Variants in GSK3B observed in about 807,000 individuals in gnomAD.
GSK3B encodes the protein glycogen synthase kinase-3 beta.
A neutral mutation model predicts 56.4 loss-of-function variants in GSK3B; 15 were observed. The observed-to-expected ratio is 0.27, with a 90% CI of 0.18 to 0.41. The LOEUF is 0.41. GSK3B is among the 10% of genes least tolerant of loss of function. The probability of loss-of-function intolerance (pLI) is 1.00; values close to 1 mark genes in which losing one functional copy is unlikely to be tolerated. For missense variants in GSK3B, 300 were observed against 513.4 expected (o/e 0.58, Z 4.02); for synonymous variants, 181 against 188.9 (o/e 0.96, Z 0.34).
At chr3:119,900,925 TTGTC>T (rs1318524141) in intron 7 of GSK3B, among the ~76,000 whole-genome samples, 1 of 151,976 alleles carries the variant, frequency 6.6e-6, no homozygotes, top group Non-Finnish European at 1.5e-5. Context: ...TTTTGTCTAT[TTGTC>T]TGTGCTTTCT....
chr3:119,894,103 C>T (rs1485179983), intron 7 of GSK3B, among the ~76,000 whole-genome samples: 2 of 152,172 alleles, frequency 1.3e-5, no homozygotes, highest in Admixed American at 6.5e-5. Context: ...CTCTTCTGGA[C>T]ATTTAATATA....
intron 4 of GSK3B, among the ~76,000 whole-genome samples, chr3:119,922,425 T>C (rs997637048): frequency 3.4e-5 from 5 of 148,026 alleles, no homozygotes; most frequent in African/African-American, 7.4e-5. Context: ...AGTTTATATA[T>C]TATATATACA....
Position 119,889,941 on chromosome 3 carries a change from G to T in GSK3B, c.814-13433C>A, listed in dbSNP as rs183673044. ...GATAAGAAAATTAAACAAAAATAAAGAGGGGCATTTCCTAATGATAAAAGT... is the reference window on the plus strand; with the variant it reads ...GATAAGAAAATTAAACAAAAATAAATAGGGGCATTTCCTAATGATAAAAGT... On this transcript the variant is annotated intron_variant, in intron 7 of 10. Coordinates refer to ENST00000264235, the MANE Select transcript of GSK3B (RefSeq NM_001146156.2). Among the ~76,000 whole-genome samples, 130 of 152,162 alleles carry T rather than the reference G, an allele frequency of 8.5e-4. 1 individual carries two copies. Among genetic ancestry groups the T allele is most frequent in the African/African-American group, 2.8e-3 (115 of 41,534 alleles).
At chr3:120,090,518 A>G (rs2058502585) in intron 1 of GSK3B, among the ~76,000 whole-genome samples, 1 of 152,186 alleles carries the variant, frequency 6.6e-6, no homozygotes, top group South Asian at 2.1e-4. Context: ...CAAGTCTTCC[A>G]GGCCAGTAAC....
At position 119,923,380 on chromosome 3, in the gene GSK3B, TA is replaced by T; in HGVS notation, c.469del (p.Tyr157MetfsTer13). On this transcript the variant is annotated frameshift_variant, in exon 4 of 11. Transcript: ENST00000264235. LOFTEE classifies it high-confidence loss of function. ...TGTTATGTTTTTACATACCTTGACA[TA>T]AATCACAGGGAGCGTCTGTTTGGCT... ...SRAKQTLPVI[Y>X]VKLYMYQLFR... 1 of 1,537,160 alleles carries T rather than the reference TA, an allele frequency of 6.5e-7. No homozygotes were observed. Among genetic ancestry groups the T allele is most frequent in the Non-Finnish European group, 9.0e-7 (1 of 1,112,346 alleles).
chr3:119,966,676 G>A (rs1465327486), intron 2 of GSK3B, among the ~76,000 whole-genome samples: 2 of 152,216 alleles, frequency 1.3e-5, no homozygotes, highest in Middle Eastern at 3.4e-3. Flanking sequence ...TTAAACCCTA[G>A]AGTTCAGGAA....
At chr3:119,881,715 G>A (rs1044625440) in intron 7 of GSK3B, among the ~76,000 whole-genome samples, 3 of 152,178 alleles carry the variant, frequency 2.0e-5, no homozygotes, top group Admixed American at 1.3e-4. Context: ...TAATTCAAGA[G>A]TTACTGATAT....
intron 10 of GSK3B, among the ~76,000 whole-genome samples, chr3:119,833,690 G>GTTTT (rs902919136): frequency 7.7e-3 from 581 of 75,416 alleles, no homozygotes; most frequent in Middle Eastern, 0.014. Context: ...ACATTAGGTT[G>GTTTT]TTTTTTTTTT....
chr3:119,823,896 T>C lies in GSK3B; in HGVS notation c.*2892A>G. ...GGGAGACATGGATAAAGGAAACCAA[T>C]TAAAATTTAAAAAAGAACAAATTAA... On this transcript the variant is annotated 3_prime_UTR_variant, in exon 11 of 11. Coordinates refer to ENST00000264235, the MANE Select transcript of GSK3B (RefSeq NM_001146156.2). The C allele has an allele frequency of 5.1e-6, 1 of 197,038 alleles. No homozygotes were observed. The highest frequency in any genetic ancestry group is 1.1e-5 in the Non-Finnish European group (1 of 95,150). 12.2% of individuals were successfully genotyped at this position (197,038 alleles called of 1,614,324 possible).
intron 10 of GSK3B, 46 bp downstream of exon 10, chr3:119,843,209 C>T: frequency 7.8e-7 from 1 of 1,280,476 alleles, no homozygotes; most frequent in Non-Finnish European, 1.1e-6. Flanking sequence ...GCCATCATGC[C>T]CAGCCCAGAA....
chr3:119,987,734 A>G (rs2057529775), intron 2 of GSK3B, among the ~76,000 whole-genome samples: 1 of 152,208 alleles, frequency 6.6e-6, no homozygotes, highest in African/African-American at 2.4e-5. Context: ...GTCTTATTAA[A>G]ATTGAGTTTA....
intron 9 of GSK3B, among the ~76,000 whole-genome samples, chr3:119,850,085 T>C (rs916500542): frequency 6.6e-6 from 1 of 152,022 alleles, no homozygotes; most frequent in Non-Finnish European, 1.5e-5. Context: ...AAAAAGACTG[T>C]CATTTTGGCC....
At chr3:120,013,017 G>A (rs1238066191) in intron 1 of GSK3B, among the ~76,000 whole-genome samples, 1 of 151,990 alleles carries the variant, frequency 6.6e-6, no homozygotes, top group African/African-American at 2.4e-5. Flanking sequence ...AAGCCTTGGC[G>A]GTTTAGGCAT....
At chr3:120,085,792 TGAC>T (rs2058458519) in intron 1 of GSK3B, among the ~76,000 whole-genome samples, 1 of 151,520 alleles carries the variant, frequency 6.6e-6, no homozygotes, top group South Asian at 2.1e-4. Flanking sequence ...GGCGACACAG[TGAC>T]ATTCCGTCTT....
intron 3 of GSK3B, among the ~76,000 whole-genome samples, chr3:119,932,613 T>C (rs370446110): frequency 2.0e-5 from 3 of 151,842 alleles, no homozygotes; most frequent in South Asian, 2.1e-4. Flanking sequence ...TAATGCCAAT[T>C]TGATTACACA....
At chr3:119,941,456 G>C in intron 3 of GSK3B, among the ~76,000 whole-genome samples, 1 of 152,114 alleles carries the variant, frequency 6.6e-6, no homozygotes, top group East Asian at 1.9e-4. Context: ...ACAGACTCTG[G>C]AGTCAGACTA....
At chr3:120,002,911 G>A (rs1172242518) in intron 1 of GSK3B, among the ~76,000 whole-genome samples, 2 of 151,994 alleles carry the variant, frequency 1.3e-5, no homozygotes, top group African/African-American at 4.8e-5. Flanking sequence ...AAGGCCTTAG[G>A]GCTTTCTTCA....
intron 1 of GSK3B, among the ~76,000 whole-genome samples, chr3:120,042,302 A>G (rs1177226320): frequency 6.6e-6 from 1 of 152,168 alleles, no homozygotes; most frequent in Non-Finnish European, 1.5e-5. Flanking sequence ...AAGAGAGCTC[A>G]GAATAAAAAT....
Position 119,822,091 on chromosome 3 carries a change from C to G in GSK3B, c.*4697G>C, listed in dbSNP as rs1308127006. On this transcript the variant is annotated 3_prime_UTR_variant, in exon 11 of 11. Transcript: ENST00000264235. ...AAAGGGAAAAAAAACATTGAGCATACTTTTCACAAAAAAGTTTATATTTAA... is the reference window on the plus strand; with the variant it reads ...AAAGGGAAAAAAAACATTGAGCATAGTTTTCACAAAAAAGTTTATATTTAA... The G allele has an allele frequency of 3.7e-5, 7 of 190,244 alleles. No homozygotes were observed. Among genetic ancestry groups the G allele is most frequent in the Non-Finnish European group, 7.4e-5 (7 of 94,914 alleles). The allele number at this position is 190,244 out of a possible 1,614,324, so 11.8% of individuals were successfully genotyped here. A position where few individuals can be genotyped will look rare whatever the true frequency, so the allele number is the denominator to read the frequency against.
Sources: allele counts gnomAD v4.1 joint callset (sites outside exome capture counted in the v4.1 genomes callset), GRCh38; gene constraint gnomAD v4.1.1; transcripts MANE v1.5; gene names NCBI Gene and HGNC (gene_info 2026-07-23, HGNC 2026-07-21).